Variants in ZNF681 observed in about 807,000 individuals in gnomAD.
ZNF681 encodes the protein zinc finger protein 681.
Under a neutral mutation model 56.0 loss-of-function variants are expected in ZNF681, and 37 were observed. The ratio of observed to expected loss-of-function variants is 0.66; its 90% CI spans 0.51 to 0.87. ZNF681 has a LOEUF of 0.87. ZNF681 is among the 40% of genes least tolerant of loss of function. The probability of loss-of-function intolerance (pLI) is 0.00; values close to 1 mark genes in which losing one functional copy is unlikely to be tolerated. For missense variants in ZNF681, 741 were observed against 744.9 expected (o/e 0.99, Z 0.06); for synonymous variants, 225 against 248.6 (o/e 0.91, Z 0.89).
intron 3 of ZNF681, among the ~76,000 whole-genome samples, chr19:23,750,267 G>T (rs1215139958): frequency 7.7e-6 from 1 of 130,426 alleles, no homozygotes; most frequent in East Asian, 2.3e-4. Context: ...CTGGGCGACA[G>T]AGTGAGACTC....
At chr19:23,755,823 G>A (rs6511524) in intron 1 of ZNF681, among the ~76,000 whole-genome samples, 148,952 of 152,232 alleles carry the variant, frequency 0.98, 72,967 homozygotes, top group Middle Eastern at 1. Flanking sequence ...TCAGAATGGC[G>A]ATTATCAAAA....
At chr19:23,752,906 T>A (rs1969054029) in intron 3 of ZNF681, among the ~76,000 whole-genome samples, 1 of 151,890 alleles carries the variant, frequency 6.6e-6, no homozygotes, top group African/African-American at 2.4e-5. Context: ...GTCAAAAAAA[T>A]GAAAAAGAGC....
Position 23,743,595 on chromosome 19 carries a change from T to C in ZNF681, c.*17A>G. The C allele has an allele frequency of 3.4e-6, 5 of 1,461,482 alleles. No homozygotes were observed. The highest frequency in any genetic ancestry group is 2.7e-6 in the Non-Finnish European group (3 of 1,107,430). The allele number at this position is 1,461,482 out of a possible 1,614,324, so 90.5% of individuals were successfully genotyped here. Reference sequence around the variant, plus strand: ...AGTGTGACAACTTTTAAAGGTTTTGTTACATTCTTCACATTTCTAAGATTT... The same window carrying C: ...AGTGTGACAACTTTTAAAGGTTTTGCTACATTCTTCACATTTCTAAGATTT... On this transcript the variant is annotated 3_prime_UTR_variant, in exon 4 of 4. Coordinates refer to ENST00000402377, the MANE Select transcript of ZNF681 (RefSeq NM_138286.3).
At position 23,758,814 on chromosome 19, in the gene ZNF681, C is replaced by T. The variant is rs1969167327; in HGVS notation, c.-65G>A. On this transcript the variant is annotated 5_prime_UTR_variant, in exon 1 of 4. It removes an upstream start codon present in the reference 5' UTR. Transcript: ENST00000402377. Reference sequence around the variant, plus strand: ...CGCCAATACCTGCAGGTCAGAGGGCCATAGAGGCTGGGCCTCTAGAAGAAG... The same window carrying T: ...CGCCAATACCTGCAGGTCAGAGGGCTATAGAGGCTGGGCCTCTAGAAGAAG... 2.5e-6 allele frequency: 4 copies of T among 1,611,212 alleles called. No individual in the cohort carries two copies. The highest frequency in any genetic ancestry group is 3.4e-6 in the Non-Finnish European group (4 of 1,177,886).
In ZNF681 at chr19:23,744,181, T is replaced by C; in HGVS notation, c.1369A>G (p.Lys457Glu). 1 of 1,613,690 alleles carries C rather than the reference T, an allele frequency of 6.2e-7. No homozygotes were observed. Among genetic ancestry groups the C allele is most frequent in the African/African-American group, 1.3e-5 (1 of 75,020 alleles). Reference sequence around the variant, plus strand: ...AGGTTTGAGAACTGGTTAAAGGCTTTCCCACATTCTTCACATTTGTATGGT... The same window carrying C: ...AGGTTTGAGAACTGGTTAAAGGCTTCCCCACATTCTTCACATTTGTATGGT... The part of the protein sequence containing the change: ...EKPYKCEECG[K>E]AFNQFSNLTT... The change falls in exon 4 of 4, where the codon AAA becomes GAA. Residue 457 changes from lysine (K) to glutamate (E), a missense_variant. Physicochemically the swap from Lys to Glu is moderately conservative, Grantham distance 56. Transcript: ENST00000402377.
chr19:23,753,777 G>C (rs1243245401), intron 3 of ZNF681, among the ~76,000 whole-genome samples: 2 of 147,208 alleles, frequency 1.4e-5, no homozygotes, highest in African/African-American at 5.0e-5. Context: ...CAGGATAATA[G>C]CTTGAACCTG....
At chr19:23,750,283 C>CA (rs74175768) in intron 3 of ZNF681, among the ~76,000 whole-genome samples, 745 of 31,750 alleles carry the variant, frequency 0.023, 13 homozygotes, top group African/African-American at 0.095. Flanking sequence ...GACTCCAACT[C>CA]AAAAAAAAAA....
chr19:23,746,079 C>T (rs56022578), intron 3 of ZNF681, among the ~76,000 whole-genome samples: 70,471 of 151,864 alleles, frequency 0.46, 17,138 homozygotes, highest in Non-Finnish European at 0.56. Context: ...CTTTGGGAGG[C>T]CAAGGCAGGC....
chr19:23,758,625 T>C, intron 1 of ZNF681, 122 bp downstream of exon 1: 1 of 1,474,254 alleles, frequency 6.8e-7, no homozygotes, highest in East Asian at 2.3e-5. Flanking sequence ...ATGGTCCAAG[T>C]GGACTGAGGC....
rs1968861123 is a variant in ZNF681 at position 23,740,265 on chromosome 19, T to C, written c.*3347A>G. On this transcript the variant is annotated 3_prime_UTR_variant, in exon 4 of 4. Transcript: ENST00000402377. ...ACCGATTTCTCATCAAAACCTACAA[T>C]ATACCATGTGAAATGACATGGTGTG... is the stretch of plus-strand genomic sequence containing the variant. The C allele has an allele frequency of 6.6e-6, 1 of 152,088 alleles. No individual in the cohort carries two copies. The highest frequency in any genetic ancestry group is 1.5e-5 in the Non-Finnish European group (1 of 68,010). The allele number at this position is 152,088 out of a possible 1,614,324, so 9.4% of individuals were successfully genotyped here.
chr19:23,758,051 T>C (rs1969149879), intron 1 of ZNF681, among the ~76,000 whole-genome samples: 1 of 152,214 alleles, frequency 6.6e-6, no homozygotes, highest in Non-Finnish European at 1.5e-5. Flanking sequence ...TCTATAAATA[T>C]CCCTTCAGGT....
rs182022659 is a variant in ZNF681 at position 23,745,687 on chromosome 19, G to A, written c.227-364C>T. On this transcript the variant is annotated intron_variant, in intron 3 of 3. Coordinates refer to ENST00000402377, the MANE Select transcript of ZNF681 (RefSeq NM_138286.3). ...AGGCTGGTCTCAAATTCCTGACCTC[G>A]TGATCTGCCCACCTCAGCCTCCCAA... 5.3e-5 allele frequency among the ~76,000 whole-genome samples: 8 copies of A among 151,582 alleles called. No individual in the cohort carries two copies. The South Asian group carries it at 1.3e-3, about 24-fold the overall frequency.
At position 23,754,865 on chromosome 19, in the gene ZNF681, G is replaced by T. The variant is rs764442252; in HGVS notation, c.184C>A (p.Pro62Thr). 63 of 1,613,802 alleles carry T rather than the reference G, an allele frequency of 3.9e-5. No individual in the cohort carries two copies. Among genetic ancestry groups the T allele is most frequent in the Middle Eastern group, 3.3e-4 (2 of 6,084 alleles). ...ATCCTATGTCTCTTTCTAGTCCAAGGCTCTTTTTCTTGTTCCAGACAGGTG... is the reference window on the plus strand; with the variant it reads ...ATCCTATGTCTCTTTCTAGTCCAAGTCTCTTTTTCTTGTTCCAGACAGGTG... ...LITCLEQEKE[P>T]WTRKRHRMVA... The change falls in exon 3 of 4, where the codon CCT (proline) becomes ACT (threonine). Residue 62 changes from proline (P) to threonine (T), a missense_variant. Physicochemically the swap from Pro to Thr is conservative, Grantham distance 38. Transcript: ENST00000402377.
At position 23,745,078 on chromosome 19, in the gene ZNF681, T is replaced by C. The variant is rs1294426973; in HGVS notation, c.472A>G (p.Asn158Asp). 1.2e-6 allele frequency: 2 copies of C among 1,600,034 alleles called. No individual in the cohort carries two copies. The highest frequency in any genetic ancestry group is 2.2e-5 in the East Asian group (1 of 44,536). ...MKIFHKFSNL[N>D]GHKVRHTRKK... ...CTGGTGTGTCTTACCTTATGTCCATTTAAATTTGAAAATTTATGAAAGATT... is the reference window on the plus strand; with the variant it reads ...CTGGTGTGTCTTACCTTATGTCCATCTAAATTTGAAAATTTATGAAAGATT... The change falls in exon 4 of 4, where the codon AAT (asparagine) becomes GAT (aspartate). Residue 158 changes from asparagine (N) to aspartate (D), a missense_variant. Asn to Asp is a conservative substitution (Grantham distance 23). Transcript: ENST00000402377.
In ZNF681 at chr19:23,741,026, C is replaced by T. The variant is rs1446128521; in HGVS notation, c.*2586G>A. On this transcript the variant is annotated 3_prime_UTR_variant, in exon 4 of 4. Coordinates refer to ENST00000402377, the MANE Select transcript of ZNF681 (RefSeq NM_138286.3). ...CAATTTTACAGTAATCAATTCAATACAAAGCAGAGAGTATGGATTTGTTTT... is the reference window on the plus strand; with the variant it reads ...CAATTTTACAGTAATCAATTCAATATAAAGCAGAGAGTATGGATTTGTTTT... 1 of 152,038 alleles carries T rather than the reference C, an allele frequency of 6.6e-6. No homozygotes were observed. The highest frequency in any genetic ancestry group is 6.6e-5 in the Admixed American group (1 of 15,246). The allele number at this position is 152,038 out of a possible 1,614,324, so 9.4% of individuals were successfully genotyped here.
chr19:23,741,064 G>A lies in ZNF681; in HGVS notation c.*2548C>T, dbSNP rs991680076. On this transcript the variant is annotated 3_prime_UTR_variant, in exon 4 of 4. Transcript: ENST00000402377. Reference sequence around the variant, plus strand: ...ATGGATTTGTTTTCAGCATTTTTAAGTTTTTTTAGTTTTGCAGTCATCATC... The same window carrying A: ...ATGGATTTGTTTTCAGCATTTTTAAATTTTTTTAGTTTTGCAGTCATCATC... The A allele has an allele frequency of 3.3e-5, 5 of 152,006 alleles. No individual in the cohort carries two copies. Among genetic ancestry groups the A allele is most frequent in the Admixed American group, 6.6e-5 (1 of 15,248 alleles). The allele number at this position is 152,006 out of a possible 1,614,324, so 9.4% of individuals were successfully genotyped here.
intron 1 of ZNF681, among the ~76,000 whole-genome samples, chr19:23,757,897 T>C (rs1220625135): frequency 6.6e-6 from 1 of 152,196 alleles, no homozygotes; most frequent in African/African-American, 2.4e-5. Context: ...ATTTTAATCT[T>C]TCTTAGACCC....
chr19:23,746,613 C>A (rs1418891838), intron 3 of ZNF681, among the ~76,000 whole-genome samples: 1 of 152,096 alleles, frequency 6.6e-6, no homozygotes, highest in Non-Finnish European at 1.5e-5. Context: ...GAGAAATTTG[C>A]CCCCATGACT....
chr19:23,756,321 T>TTC (rs1555714096), intron 1 of ZNF681, among the ~76,000 whole-genome samples: 6 of 148,336 alleles, frequency 4.0e-5, no homozygotes, highest in African/African-American at 1.2e-4. Flanking sequence ...CGACACTCTG[T>TTC]CCCCCCCCAA....
Sources: allele counts gnomAD v4.1 joint callset (sites outside exome capture counted in the v4.1 genomes callset), GRCh38; gene constraint gnomAD v4.1.1; transcripts MANE v1.5; gene names NCBI Gene and HGNC (gene_info 2026-07-23, HGNC 2026-07-21).